MINAR2: variants seen among roughly 807,000 people sequenced by gnomAD.
MINAR2 encodes major intrinsically disordered NOTCH2-binding receptor 1-like.
A neutral mutation model predicts 16.1 loss-of-function variants in MINAR2; 21 were observed. The ratio of observed to expected loss-of-function variants is 1.31; its 90% CI spans 0.93 to 1.88. The LOEUF is 1.88. Among genes scored for constraint, MINAR2 ranks in the 40% most tolerant of loss-of-function variants. MINAR2 has a pLI of 0.00. For synonymous variants in MINAR2, 86 were observed against 83.0 expected, an observed-to-expected ratio of 1.04 and a Z score of -0.20; for missense variants, 259 against 229.8, an observed-to-expected ratio of 1.13 and a Z score of -0.82.
chr5:129,766,203 C>G lies in MINAR2; in HGVS notation c.*1140C>G, dbSNP rs1758210352. The G allele has an allele frequency of 6.6e-6, 1 of 152,162 alleles. No homozygotes were observed. Among genetic ancestry groups the G allele is most frequent in the African/African-American group, 2.4e-5 (1 of 41,446 alleles). 9.4% of individuals were successfully genotyped at this position (152,162 alleles called of 1,614,324 possible). Reference sequence around the variant, plus strand: ...CACTCTTTTCTCATCTTTAAACAACCCAGCCAAAGGCTATCTTATGCAAGA... The same window carrying G: ...CACTCTTTTCTCATCTTTAAACAACGCAGCCAAAGGCTATCTTATGCAAGA... On this transcript the variant is annotated 3_prime_UTR_variant, in exon 3 of 3. Transcript: ENST00000564719.
At position 129,760,400 on chromosome 5, in the gene MINAR2, C is replaced by T; in HGVS notation, c.188C>T (p.Ala63Val). 1 of 1,535,596 alleles carries T rather than the reference C, an allele frequency of 6.5e-7. No homozygotes were observed. Among genetic ancestry groups the T allele is most frequent in the East Asian group, 2.4e-5 (1 of 40,918 alleles). The part of the protein sequence containing the change: ...YSQREKKNIA[A>V]QRIRGSSADS... ...TAGAGGGAAAAGAAGAATATTGCTG[C>T]TCAACGAATTAGGGGATCCAGTGCA... The change falls in exon 2 of 3, where the codon GCT becomes GTT. Residue 63 changes from alanine (A) to valine (V), a missense_variant. Physicochemically the swap from Ala to Val is moderately conservative, Grantham distance 64 (BLOSUM62 0). Coordinates refer to ENST00000564719, the MANE Select transcript of MINAR2 (RefSeq NM_001257308.2).
At chr5:129,750,850 T>G (rs1308835614) in intron 1 of MINAR2, among the ~76,000 whole-genome samples, 1 of 152,168 alleles carries the variant, frequency 6.6e-6, no homozygotes, top group Non-Finnish European at 1.5e-5. Flanking sequence ...ACTCAATAAA[T>G]ACGTCAACCT....
Position 129,760,455 on chromosome 5 carries a change from A to C in MINAR2, c.243A>C (p.Pro81=). 2.0e-6 allele frequency: 3 copies of C among 1,535,822 alleles called. No homozygotes were observed. The South Asian group carries it at 3.6e-5, about 18-fold the overall frequency. ...ADSLVTADSP[P]PSMSSVMKNN... is the part of the protein sequence containing the mutation. Reference sequence around the variant, plus strand: ...GCCTTGTCACTGCTGATAGCCCCCCACCATCCATGTCATCAGTTATGAAGA... The same window carrying C: ...GCCTTGTCACTGCTGATAGCCCCCCCCCATCCATGTCATCAGTTATGAAGA... Residue 81 remains proline, a synonymous_variant, in exon 2 of 3, where the codon CCA becomes CCC. Coordinates refer to ENST00000564719, the MANE Select transcript of MINAR2 (RefSeq NM_001257308.2).
rs34547893 is a variant in MINAR2, at chr5:129,756,934, T to TA, written c.166-3420dup. On this transcript the variant is annotated intron_variant, in intron 1 of 2. Transcript: ENST00000564719. ...GAGTGTCTAGTAAGGCTTTCCACAG[T>TA]AAAAAAAAAAAAAAAAAAAAAAAAC... Among the ~76,000 whole-genome samples the TA allele has an allele frequency of 8.8e-3, 647 of 73,486 alleles. 1 individual carries two copies. Among genetic ancestry groups the TA allele is most frequent in the Non-Finnish European group, 0.01 (380 of 37,422 alleles). The allele number at this position is 73,486 out of a possible 152,430, so 48.2% of individuals were successfully genotyped here.
chr5:129,754,325 T>C (rs1758028682), intron 1 of MINAR2, among the ~76,000 whole-genome samples: 1 of 152,190 alleles, frequency 6.6e-6, no homozygotes, highest in Non-Finnish European at 1.5e-5. Flanking sequence ...ATATGTGCTT[T>C]AGAAAGCTTT....
intron 1 of MINAR2, among the ~76,000 whole-genome samples, chr5:129,756,967 CACAA>C (rs1758063183): frequency 7.2e-6 from 1 of 138,738 alleles, no homozygotes; most frequent in Admixed American, 7.3e-5. Flanking sequence ...AACACACACA[CACAA>C]ACATATATGT....
chr5:129,752,101 G>A (rs1415645857), intron 1 of MINAR2, among the ~76,000 whole-genome samples: 4 of 152,162 alleles, frequency 2.6e-5, no homozygotes, highest in Non-Finnish European at 5.9e-5. Flanking sequence ...TCTAGAAATA[G>A]GAACGCTTTT....
intron 2 of MINAR2, among the ~76,000 whole-genome samples, chr5:129,761,216 T>C (rs937910806): frequency 2.0e-5 from 3 of 152,188 alleles, no homozygotes; most frequent in African/African-American, 7.2e-5. Context: ...TTGCCCCCAC[T>C]GGTGTCACCC....
intron 2 of MINAR2, chr5:129,762,478 TC>T (rs1426951084): frequency 3.9e-6 from 1 of 258,524 alleles, no homozygotes. Context: ...CACATAATTA[TC>T]TCCTGTTAAA....
At chr5:129,758,287 GTT>G (rs1758080754) in intron 1 of MINAR2, among the ~76,000 whole-genome samples, 1 of 151,866 alleles carries the variant, frequency 6.6e-6, no homozygotes, top group Non-Finnish European at 1.5e-5. Flanking sequence ...TGTTCTGAAA[GTT>G]ATTTTAAAAA....
At chr5:129,752,651 G>C (rs901823237) in intron 1 of MINAR2, among the ~76,000 whole-genome samples, 7 of 152,088 alleles carry the variant, frequency 4.6e-5, no homozygotes, top group African/African-American at 1.7e-4. Context: ...ATGATGGGTT[G>C]ATGGGTGCAG....
chr5:129,765,250 C>G lies in MINAR2; in HGVS notation c.*187C>G. ...CAGGCGTGGTATGCTGGCTTCTCCA[C>G]TTTGTTCTATAAAAGCTTTCTAAGA... On this transcript the variant is annotated 3_prime_UTR_variant, in exon 3 of 3. Transcript: ENST00000564719. 1 of 402,906 alleles carries G rather than the reference C, an allele frequency of 2.5e-6. No individual in the cohort carries two copies. Among genetic ancestry groups the G allele is most frequent in the Non-Finnish European group, 4.3e-6 (1 of 232,882 alleles). The allele number at this position is 402,906 out of a possible 1,614,324, so 25.0% of individuals were successfully genotyped here.
chr5:129,748,936 A>C (rs1338981415), intron 1 of MINAR2, among the ~76,000 whole-genome samples: 2 of 152,202 alleles, frequency 1.3e-5, no homozygotes, highest in Non-Finnish European at 2.9e-5. Flanking sequence ...TATTTTCCAC[A>C]GGTGTCCATG....
At chr5:129,748,729 T>A (rs1381542834) in intron 1 of MINAR2, among the ~76,000 whole-genome samples, 2 of 152,096 alleles carry the variant, frequency 1.3e-5, no homozygotes, top group Non-Finnish European at 2.9e-5. Flanking sequence ...GCATAAAGCA[T>A]CAGAAGTTTA....
intron 1 of MINAR2, among the ~76,000 whole-genome samples, chr5:129,758,610 C>G (rs541310194): frequency 5.3e-5 from 8 of 151,940 alleles, no homozygotes; most frequent in African/African-American, 1.9e-4. Context: ...CTCCCCAAAA[C>G]TGTATTTTCA....
Position 129,765,590 on chromosome 5 carries a change from G to A in MINAR2, c.*527G>A, listed in dbSNP as rs1399111348. ...GATTCATTCTCTGTTTTATTTTCCT[G>A]TATTTCTGTTTAAGTCAGAAAAAAG... On this transcript the variant is annotated 3_prime_UTR_variant, in exon 3 of 3. Coordinates refer to ENST00000564719, the MANE Select transcript of MINAR2 (RefSeq NM_001257308.2). 1 of 151,918 alleles carries A rather than the reference G, an allele frequency of 6.6e-6. No homozygotes were observed. The highest frequency in any genetic ancestry group is 2.4e-5 in the African/African-American group (1 of 41,326). The allele number at this position is 151,918 out of a possible 1,614,324, so 9.4% of individuals were successfully genotyped here.
At chr5:129,757,817 T>C (rs980861531) in intron 1 of MINAR2, among the ~76,000 whole-genome samples, 3 of 152,014 alleles carry the variant, frequency 2.0e-5, no homozygotes, top group African/African-American at 7.2e-5. Context: ...TTTCTCTATT[T>C]CACCTAAATC....
intron 1 of MINAR2, 59 bp from the exon 2 acceptor site, chr5:129,760,319 G>T (rs1758115654): frequency 1.6e-6 from 2 of 1,250,722 alleles, no homozygotes; most frequent in Non-Finnish European, 2.2e-6. Context: ...ATCTCACATT[G>T]CATTCCCTAC....
intron 1 of MINAR2, among the ~76,000 whole-genome samples, chr5:129,757,998 T>C (rs535746788): frequency 1.5e-4 from 23 of 151,964 alleles, no homozygotes; most frequent in Non-Finnish European, 1.9e-4. Context: ...TAATTTTCTT[T>C]GTTCAAAAAT....
Sources: allele counts gnomAD v4.1 joint callset (sites outside exome capture counted in the v4.1 genomes callset), GRCh38; gene constraint gnomAD v4.1.1; transcripts MANE v1.5; gene names NCBI Gene and HGNC (gene_info 2026-07-23, HGNC 2026-07-21).